The following TKFC variants were observed in gnomAD, a reference collection of about 807,000 sequenced individuals.
The protein encoded by TKFC is triokinase and FMN cyclase.
In TKFC, 46 loss-of-function variants were observed where a neutral mutation model predicts 61.0. That is an observed-to-expected ratio of 0.75 (90% CI 0.60 to 0.96). The LOEUF (loss-of-function observed/expected upper bound fraction) is 0.96. Among genes scored for constraint, TKFC ranks in the 50% least tolerant of loss-of-function variants. The probability of loss-of-function intolerance (pLI) is 0.00; values close to 1 mark genes in which losing one functional copy is unlikely to be tolerated. For synonymous variants in TKFC, 314 were observed against 330.1 expected (o/e 0.95, Z 0.53); for missense variants, 715 against 777.5 (o/e 0.92, Z 0.96).
chr11:61,333,391 T>G, intron 1 of TKFC, 62 bp downstream of exon 1: 1 of 157,342 alleles, frequency 6.4e-6, no homozygotes, highest in East Asian at 1.8e-4. Context: ...CCCTTTGCCC[T>G]TCCCCGCATC....
chr11:61,347,554 A>AG lies in TKFC; in HGVS notation c.*1051_*1052insG. The AG allele has an allele frequency of 1.0e-6, 1 of 984,234 alleles. No homozygotes were observed. The highest frequency in any genetic ancestry group is 1.8e-5 in the African/African-American group (1 of 57,128). 61.0% of individuals were successfully genotyped at this position (984,234 alleles called of 1,614,324 possible). A position where few individuals can be genotyped will look rare whatever the true frequency, so the allele number is the denominator to read the frequency against. On this transcript the variant is annotated 3_prime_UTR_variant, in exon 18 of 18. Transcript: ENST00000394900. ...ACCCTGTCTCAAAAAAAAAAAAAAA[A>AG]AAAAAAGAAACTGCAGCCAAGCCAG...
chr11:61,352,125 C>A (rs780764604), downstream of TKFC: 1 of 152,178 alleles, frequency 6.6e-6, no homozygotes, highest in African/African-American at 2.4e-5. Flanking sequence ...CAGCCAAGAT[C>A]GAAACCAAGG....
Position 61,339,063 on chromosome 11 carries a change from C to T in TKFC, c.194-3C>T. 1 of 1,611,856 alleles carries T rather than the reference C, an allele frequency of 6.2e-7. No individual in the cohort carries two copies. The highest frequency in any genetic ancestry group is 8.5e-7 in the Non-Finnish European group (1 of 1,178,964). On this transcript the variant is annotated splice_polypyrimidine_tract_variant and splice_region_variant and intron_variant, in intron 3 of 17. Coordinates refer to ENST00000394900, the MANE Select transcript of TKFC (RefSeq NM_015533.4). The stretch of plus-strand genomic sequence containing the variant: ...ATGCTCACTCCACTCCTTCCACCTC[C>T]AGGTTTCATAGGGAAGGGGATGCTG...
rs550907491 is a variant in TKFC, at chr11:61,342,457, G to A, written c.656-4G>A. ...GGGTCAGCAGTGACCACATCTATCC[G>A]CAGGGATCCACGGGGAAGCTGGTGT... On this transcript the variant is annotated splice_polypyrimidine_tract_variant and splice_region_variant and intron_variant, in intron 7 of 17. Transcript: ENST00000394900. The A allele has an allele frequency of 4.2e-5, 67 of 1,613,994 alleles. No homozygotes were observed. Among genetic ancestry groups the A allele is most frequent in the Admixed American group, 6.7e-5 (4 of 60,014 alleles).
intron 5 of TKFC, among the ~76,000 whole-genome samples, chr11:61,341,147 A>T (rs942800795): frequency 6.6e-6 from 1 of 152,068 alleles, no homozygotes; most frequent in Non-Finnish European, 1.5e-5. Context: ...GAAACTGGCC[A>T]CCCACTGGCT....
In TKFC at chr11:61,337,928, T is replaced by C; in HGVS notation, c.4-13T>C. 1.9e-6 allele frequency: 3 copies of C among 1,593,938 alleles called. No homozygotes were observed. Among genetic ancestry groups the C allele is most frequent in the Non-Finnish European group, 2.6e-6 (3 of 1,170,942 alleles). On this transcript the variant is annotated splice_polypyrimidine_tract_variant and intron_variant, in intron 2 of 17. Coordinates refer to ENST00000394900, the MANE Select transcript of TKFC (RefSeq NM_015533.4). ...GACCACATTCTGACCTCCTTCTCAC[T>C]CCTCCCTTGCAGACCTCCAAGAAGC...
In TKFC at chr11:61,345,373, G is replaced by A. The variant is rs1407002652; in HGVS notation, c.1347+7G>A. ...GGGAGGCTCATCTGGGGCGGTGGGT[G>A]CCTGGGGGCTGAAGGGCTGACAGGG... On this transcript the variant is annotated splice_region_variant and intron_variant, in intron 14 of 17. Transcript: ENST00000394900. The A allele has an allele frequency of 1.3e-6, 2 of 1,599,480 alleles. No homozygotes were observed. The highest frequency in any genetic ancestry group is 2.7e-5 in the African/African-American group (2 of 74,772).
rs754541667 is a variant in TKFC at position 61,346,426 on chromosome 11, C to A, written c.1651C>A (p.Arg551=). The A allele has an allele frequency of 1.2e-6, 2 of 1,611,980 alleles. No homozygotes were observed. Among genetic ancestry groups the A allele is most frequent in the Non-Finnish European group, 1.7e-6 (2 of 1,179,894 alleles). Reference sequence around the variant, plus strand: ...AAGAGCCAGTTATATCAGCTCAGCACGGCTGGAGCAGCCAGACCCCGGGGC... The same window carrying A: ...AAGAGCCAGTTATATCAGCTCAGCAAGGCTGGAGCAGCCAGACCCCGGGGC... The part of the protein sequence containing the change: ...AGRASYISSA[R]LEQPDPGAVA... The change falls in exon 18 of 18, where the codon CGG becomes AGG. Residue 551 remains arginine (R), a synonymous_variant. Transcript: ENST00000394900. This position sits in a 1 kb window ranked among gnomAD's most constrained non-coding sequence, Gnocchi z 4.1.
intron 7 of TKFC, 115 bp from the exon 8 acceptor site, chr11:61,342,346 T>TC (rs2135029264): frequency 7.5e-7 from 1 of 1,335,710 alleles, no homozygotes; most frequent in Non-Finnish European, 1.1e-6. Context: ...TCCATTTCCA[T>TC]CCCCCACTCC....
chr11:61,340,282 G>C (rs1379176915), intron 5 of TKFC, among the ~76,000 whole-genome samples: 1 of 150,402 alleles, frequency 6.6e-6, no homozygotes, highest in African/African-American at 2.5e-5. Flanking sequence ...AAAGTGCTGG[G>C]ATGACGAGCG....
At chr11:61,351,146 T>C (rs773999242), downstream of TKFC, 21 of 1,606,842 alleles carry the variant, frequency 1.3e-5, no homozygotes, top group Non-Finnish European at 1.6e-5. Context: ...GTGGTGTTTT[T>C]CCTGAAGATG....
chr11:61,344,752 G>A (rs938949958), intron 13 of TKFC, among the ~76,000 whole-genome samples: 4 of 152,226 alleles, frequency 2.6e-5, no homozygotes, highest in Admixed American at 1.3e-4. Context: ...TACAACTCAA[G>A]GCGAACTTAT....
chr11:61,334,605 T>C lies in TKFC; in HGVS notation c.-109-15T>C. On this transcript the variant is annotated splice_polypyrimidine_tract_variant and intron_variant, in intron 1 of 17. Coordinates refer to ENST00000394900, the MANE Select transcript of TKFC (RefSeq NM_015533.4). The stretch of plus-strand genomic sequence containing the variant: ...GAGTTCCTTCCGCAGCTTGTATCGT[T>C]ACCCACTCCTGCAGGTGCTGCTGCT... The C allele has an allele frequency of 1.5e-6, 2 of 1,291,664 alleles. No homozygotes were observed. Among genetic ancestry groups the C allele is most frequent in the Admixed American group, 3.7e-5 (2 of 53,834 alleles). The allele number at this position is 1,291,664 out of a possible 1,614,324, so 80.0% of individuals were successfully genotyped here.
At chr11:61,351,112 C>T, downstream of TKFC, 1 of 1,613,834 alleles carries the variant, frequency 6.2e-7, no homozygotes, top group Non-Finnish European at 8.5e-7. Flanking sequence ...GACCGCCTCA[C>T]TGGGCAGGCT....
chr11:61,338,378 G>T (rs557799314), intron 3 of TKFC, among the ~76,000 whole-genome samples: 5 of 152,096 alleles, frequency 3.3e-5, no homozygotes, highest in African/African-American at 1.2e-4. Flanking sequence ...TCTGAGAGTC[G>T]GTGATTCCAT....
In TKFC at chr11:61,346,546, G is replaced by C. The variant is rs779593587; in HGVS notation, c.*43G>C. 1.3e-6 allele frequency: 2 copies of C among 1,503,006 alleles called. No individual in the cohort carries two copies. The highest frequency in any genetic ancestry group is 2.0e-5 in the Admixed American group (1 of 51,208). The allele number at this position is 1,503,006 out of a possible 1,614,324, so 93.1% of individuals were successfully genotyped here. A position where few individuals can be genotyped will look rare whatever the true frequency, so the allele number is the denominator to read the frequency against. The stretch of plus-strand genomic sequence containing the variant: ...CTTGGCCTCAGCTCCTCTCACTGCT[G>C]TGCTGAGGTGGCCTTTGTCACTTCC... On this transcript the variant is annotated 3_prime_UTR_variant, in exon 18 of 18. Coordinates refer to ENST00000394900, the MANE Select transcript of TKFC (RefSeq NM_015533.4). This position sits in a 1 kb window ranked among gnomAD's most constrained non-coding sequence, Gnocchi z 4.1.
chr11:61,349,822 G>C (rs1857314624), downstream of TKFC: 2 of 602,606 alleles, frequency 3.3e-6, no homozygotes, highest in Non-Finnish European at 6.0e-6. Context: ...CTGGATGGCA[G>C]AGCAGATGAA....
At chr11:61,349,719 G>A (rs1342321949), downstream of TKFC, 35 of 688,974 alleles carry the variant, frequency 5.1e-5, no homozygotes, top group South Asian at 7.5e-5. Flanking sequence ...AGCTCAGAGC[G>A]GTCAGCTCCT....
intron 2 of TKFC, among the ~76,000 whole-genome samples, chr11:61,336,825 G>A (rs887394578): frequency 4.6e-5 from 7 of 152,148 alleles, no homozygotes; most frequent in African/African-American, 1.7e-4. Flanking sequence ...GAGGCTGCCT[G>A]TGGCCAGTCC....
Sources: gnomAD v4.1 joint callset for allele counts (sites outside exome capture counted in the v4.1 genomes callset) on GRCh38, gnomAD v4.1.1 for gene constraint, Gnocchi (gnomAD v3.1) non-coding constraint, MANE v1.5 for transcripts, NCBI Gene and HGNC (gene_info 2026-07-23, HGNC 2026-07-21) for gene names.